SLFN12L: variants seen among roughly 807,000 people sequenced by gnomAD.
SLFN12L encodes the protein schlafen family member 12-like.
A neutral mutation model predicts 34.8 loss-of-function variants in SLFN12L; 34 were observed. The observed-to-expected ratio is 0.98, with a 90% confidence interval of 0.74 to 1.30. SLFN12L has a LOEUF of 1.30. Ranked by LOEUF, SLFN12L falls within the 50% of genes most tolerant of loss-of-function variation. SLFN12L has a pLI of 0.00. For missense variants in SLFN12L, 703 were observed against 696.2 expected (o/e 1.01, Z -0.11); for synonymous variants, 259 against 247.5 (o/e 1.05, Z -0.44).
At chr17:35,513,550 C>A (rs1191301126) in intron 2 of SLFN12L, among the ~76,000 whole-genome samples, 2 of 152,176 alleles carry the variant, frequency 1.3e-5, no homozygotes, top group African/African-American at 4.8e-5. Flanking sequence ...ACAGATGCCA[C>A]CAAGTACCAA....
rs1244809863 is a variant in SLFN12L at position 35,473,154 on chromosome 17, C to A, written c.*1769G>T. Among the ~76,000 whole-genome samples the A allele has an allele frequency of 6.6e-6, 1 of 152,138 alleles. No homozygotes were observed. Among genetic ancestry groups the A allele is most frequent in the Non-Finnish European group, 1.5e-5 (1 of 68,030 alleles). ...CGAATACCTTTATTTCTTTCTCTTG[C>A]CTGATTGCCCTGGCCGGAACTTCCA... On this transcript the variant is annotated 3_prime_UTR_variant, in exon 5 of 5. Transcript: ENST00000628453.
chr17:35,483,739 A>G (rs1290717936), intron 2 of SLFN12L, among the ~76,000 whole-genome samples: 1 of 152,200 alleles, frequency 6.6e-6, no homozygotes, highest in Non-Finnish European at 1.5e-5. Flanking sequence ...AGGTTTGTCA[A>G]GTGGCCTAGA....
rs970008651 is a variant in SLFN12L, at chr17:35,472,750, C to A, written c.*2173G>T. Among the ~76,000 whole-genome samples the A allele has an allele frequency of 6.6e-6, 1 of 152,102 alleles. No individual in the cohort carries two copies. The highest frequency in any genetic ancestry group is 1.5e-5 in the Non-Finnish European group (1 of 68,030). ...TATAAATTACTTTGGGCAATATGGC[C>A]ATTTTCATGATATTGATTCTTCCTG... On this transcript the variant is annotated 3_prime_UTR_variant, in exon 5 of 5. Coordinates refer to ENST00000628453, the MANE Select transcript of SLFN12L (RefSeq NM_001363830.2).
chr17:35,530,924 C>T (rs2072405607), intron 1 of SLFN12L, among the ~76,000 whole-genome samples: 1 of 152,158 alleles, frequency 6.6e-6, no homozygotes, highest in South Asian at 2.1e-4. Flanking sequence ...GTCAGAGATA[C>T]TAAGAATCTG....
In SLFN12L at chr17:35,495,331, C is replaced by A. The variant is rs1915010274; in HGVS notation, c.87-15136G>T. On this transcript the variant is annotated intron_variant, in intron 2 of 4. Coordinates refer to ENST00000628453, the MANE Select transcript of SLFN12L (RefSeq NM_001363830.2). Reference sequence around the variant, plus strand: ...ACAGCCCTCCCCATAGGTTCATTGTCTTAAGTGCCGTGATGGTTTCAAGGG... The same window carrying A: ...ACAGCCCTCCCCATAGGTTCATTGTATTAAGTGCCGTGATGGTTTCAAGGG... Among the ~76,000 whole-genome samples the A allele has an allele frequency of 3.3e-5, 5 of 152,300 alleles. 1 individual carries two copies. The South Asian group carries it at 1.0e-3, about 32-fold the overall frequency.
intron 1 of SLFN12L, among the ~76,000 whole-genome samples, chr17:35,530,430 GGAAGGGAAGGGAAGAAAGAAAGAAA>G (rs1398034667): frequency 3.3e-4 from 3 of 9,126 alleles, no homozygotes; most frequent in Non-Finnish European, 6.3e-4. Flanking sequence ...AGGAAGGAAG[GGAAGGGAAGGGAAGAAAGAAAGAAA>G]GAAAGAAAGA....
At chr17:35,532,398 C>T (rs1428050825) in intron 1 of SLFN12L, among the ~76,000 whole-genome samples, 1 of 149,710 alleles carries the variant, frequency 6.7e-6, no homozygotes, top group Admixed American at 6.7e-5. Flanking sequence ...CGAGATTGCA[C>T]CACTGCACTC....
At chr17:35,516,927 T>C (rs1395122871) in intron 2 of SLFN12L, among the ~76,000 whole-genome samples, 1 of 152,250 alleles carries the variant, frequency 6.6e-6, no homozygotes, top group African/African-American at 2.4e-5. Context: ...ATTCATGTAA[T>C]TTTTCATTCT....
At position 35,487,785 on chromosome 17, in the gene SLFN12L, C is replaced by T. The variant is rs1435379222; in HGVS notation, c.87-7590G>A. ...GTAGGGGGACCTGAGTTCTTTTCCA[C>T]TTTCCTGCTCTCCGCGTCCGTGTGC... On this transcript the variant is annotated intron_variant, in intron 2 of 4. Transcript: ENST00000628453. The T allele has an allele frequency of 3.3e-6, 5 of 1,533,510 alleles. No individual in the cohort carries two copies. The African/African-American group carries it at 6.9e-5, about 21-fold the overall frequency. The allele number at this position is 1,533,510 out of a possible 1,614,324, so 95.0% of individuals were successfully genotyped here.
intron 2 of SLFN12L, among the ~76,000 whole-genome samples, chr17:35,515,659 T>TTTTTTTTA (rs1915801400): frequency 3.7e-5 from 3 of 81,968 alleles, no homozygotes; most frequent in Non-Finnish European, 8.2e-5. Context: ...TTTTTTTTTT[T>TTTTTTTTA]GAGATGGAGT....
At chr17:35,514,178 G>A (rs1915741704) in intron 2 of SLFN12L, among the ~76,000 whole-genome samples, 1 of 152,170 alleles carries the variant, frequency 6.6e-6, no homozygotes, top group African/African-American at 2.4e-5. Flanking sequence ...TTAAATGCAA[G>A]GAGATAATTG....
intron 2 of SLFN12L, among the ~76,000 whole-genome samples, chr17:35,496,599 G>A (rs924586549): frequency 3.3e-5 from 5 of 151,508 alleles, no homozygotes; most frequent in Non-Finnish European, 7.4e-5. Context: ...AAGGAGCGGG[G>A]CGGAAGATCG....
At position 35,474,109 on chromosome 17, in the gene SLFN12L, G is replaced by A. The variant is rs1913854730; in HGVS notation, c.*814C>T. 1 of 152,178 alleles carries A rather than the reference G, an allele frequency of 6.6e-6. No homozygotes were observed. The highest frequency in any genetic ancestry group is 2.4e-5 in the African/African-American group (1 of 41,426). The allele number at this position is 152,178 out of a possible 1,614,324, so 9.4% of individuals were successfully genotyped here. ...AATTTTTATATTTTTAGTAGAGACT[G>A]GGTTTCACCATGTTGCCCAGGCTGG... On this transcript the variant is annotated 3_prime_UTR_variant, in exon 5 of 5. Transcript: ENST00000628453.
chr17:35,523,427 C>A (rs976651960), intron 1 of SLFN12L, among the ~76,000 whole-genome samples: 1 of 152,140 alleles, frequency 6.6e-6, no homozygotes, highest in Admixed American at 6.5e-5. Context: ...ACAATATTTG[C>A]GGAGAAGAGG....
At chr17:35,515,299 C>G (rs1433835563) in intron 2 of SLFN12L, 4 of 376,176 alleles carry the variant, frequency 1.1e-5, no homozygotes, top group Non-Finnish European at 2.0e-5. Flanking sequence ...GGGACAGGCA[C>G]TTGGAAAGCA....
chr17:35,484,174 C>A (rs1209461038), intron 2 of SLFN12L, among the ~76,000 whole-genome samples: 4 of 152,192 alleles, frequency 2.6e-5, no homozygotes, highest in South Asian at 4.1e-4. Context: ...TTTCCTCCAC[C>A]TTTGTCACCT....
chr17:35,498,712 A>G (rs913695493), intron 2 of SLFN12L: 28 of 1,533,864 alleles, frequency 1.8e-5, no homozygotes, highest in Admixed American at 1.3e-4. Context: ...TACGTGGTCC[A>G]TCTCCAAGAA....
At position 35,466,190 on chromosome 17, in the gene SLFN12L, G is replaced by A. The variant is rs890763396; in HGVS notation, c.*8733C>T. Among the ~76,000 whole-genome samples the A allele has an allele frequency of 3.3e-5, 5 of 152,082 alleles. No homozygotes were observed. The highest frequency in any genetic ancestry group is 2.1e-4 in the South Asian group (1 of 4,818). On this transcript the variant is annotated 3_prime_UTR_variant, in exon 5 of 5. Coordinates refer to ENST00000628453, the MANE Select transcript of SLFN12L (RefSeq NM_001363830.2). The stretch of plus-strand genomic sequence containing the variant: ...AATCCATTGCGACTTTTACATTAGC[G>A]TTCATTCTTCTTGTACATTTTATGG...
chr17:35,524,529 C>G (rs866464205), intron 1 of SLFN12L, among the ~76,000 whole-genome samples: 1 of 152,236 alleles, frequency 6.6e-6, no homozygotes, highest in Non-Finnish European at 1.5e-5. Flanking sequence ...AAGGAAAGAA[C>G]AGGCAGCAAT....
Sources: gnomAD v4.1 joint callset for allele counts (sites outside exome capture counted in the v4.1 genomes callset) on GRCh38, gnomAD v4.1.1 for gene constraint, MANE v1.5 for transcripts, NCBI Gene and HGNC (gene_info 2026-07-23, HGNC 2026-07-21) for gene names.